The following KIAA0040 variants were observed in gnomAD, a reference collection of about 807,000 sequenced individuals.
KIAA0040 encodes the protein uncharacterized protein KIAA0040.
KIAA0040 carries 10 observed loss-of-function variants against 7.2 expected under a neutral mutation model. The observed-to-expected ratio is 1.38, with a 90% CI of 0.85 to 2.34. KIAA0040 has a LOEUF of 2.34. Ranked by LOEUF, KIAA0040 falls within the 30% of genes most tolerant of loss-of-function variation. KIAA0040 has a pLI of 0.00. For missense variants in KIAA0040, 89 were observed against 108.2 expected, an observed-to-expected ratio of 0.82 and a Z score of 0.79; for synonymous variants, 49 against 40.1, an observed-to-expected ratio of 1.22 and a Z score of -0.84.
At chr1:175,184,156 C>G (rs1558400851) in intron 1 of KIAA0040, among the ~76,000 whole-genome samples, 1 of 152,202 alleles carries the variant, frequency 6.6e-6, no homozygotes, top group Non-Finnish European at 1.5e-5. Context: ...TCTAGACCTT[C>G]CATGAAGCTA....
intron 1 of KIAA0040, among the ~76,000 whole-genome samples, chr1:175,181,341 G>A (rs1677433231): frequency 6.6e-6 from 1 of 152,140 alleles, no homozygotes; most frequent in Non-Finnish European, 1.5e-5. Flanking sequence ...TTCCTTCACT[G>A]ATTCTGGGTT....
chr1:175,164,462 T>C (rs998514155), intron 3 of KIAA0040, among the ~76,000 whole-genome samples: 67 of 152,288 alleles, frequency 4.4e-4, no homozygotes, highest in African/African-American at 1.5e-3. Flanking sequence ...AGTAGAAGCA[T>C]GCATTTGAAT....
At chr1:175,181,666 C>A (rs1347431258) in intron 1 of KIAA0040, among the ~76,000 whole-genome samples, 1 of 152,188 alleles carries the variant, frequency 6.6e-6, no homozygotes, top group Non-Finnish European at 1.5e-5. Flanking sequence ...ATGATTAGTT[C>A]AGTGTCCCAA....
chr1:175,179,944 C>A (rs1382378055), intron 1 of KIAA0040, among the ~76,000 whole-genome samples: 6 of 152,224 alleles, frequency 3.9e-5, no homozygotes, highest in Non-Finnish European at 7.3e-5. Flanking sequence ...ATGAGGGCAG[C>A]AAGCAGTGGC....
chr1:175,168,539 CA>C (rs1676863369), intron 2 of KIAA0040, among the ~76,000 whole-genome samples: 1 of 152,016 alleles, frequency 6.6e-6, no homozygotes. Flanking sequence ...ATTAAGGCAC[CA>C]TGGTTATTTA....
chr1:175,170,056 G>A (rs1428372826), intron 2 of KIAA0040, among the ~76,000 whole-genome samples: 3 of 152,176 alleles, frequency 2.0e-5, no homozygotes, highest in Non-Finnish European at 4.4e-5. Context: ...GAAATAATTG[G>A]AGTGGCCTCT....
chr1:175,173,369 C>T (rs1431154388), intron 2 of KIAA0040, among the ~76,000 whole-genome samples: 4 of 152,184 alleles, frequency 2.6e-5, no homozygotes, highest in Non-Finnish European at 5.9e-5. Flanking sequence ...TTGCTGAGTT[C>T]TTACTAAGTG....
chr1:175,161,889 A>G (rs546632367), intron 3 of KIAA0040, among the ~76,000 whole-genome samples: 2 of 151,836 alleles, frequency 1.3e-5, no homozygotes, highest in Admixed American at 1.3e-4. Flanking sequence ...ACCCTTCTCT[A>G]TGTTTTCTAT....
chr1:175,177,716 T>C (rs1008625894), intron 1 of KIAA0040, 32 bp from the exon 2 acceptor site: 4 of 152,218 alleles, frequency 2.6e-5, no homozygotes, highest in African/African-American at 4.8e-5. Context: ...TGATAGCATG[T>C]ACTGCCCCTT....
At chr1:175,169,539 T>C (rs1223836683) in intron 2 of KIAA0040, among the ~76,000 whole-genome samples, 1 of 152,242 alleles carries the variant, frequency 6.6e-6, no homozygotes, top group Non-Finnish European at 1.5e-5. Flanking sequence ...CTGGCCAAAG[T>C]AAACAGCCCT....
rs922961725 is a variant in KIAA0040, at chr1:175,192,675, G to A, written c.-419C>T. ...GCGGAAGGGCTTCCTGCAGGCCCAGGGAATCTCCTGGTTGCTGCCCCGTCT... is the reference window on the plus strand; with the variant it reads ...GCGGAAGGGCTTCCTGCAGGCCCAGAGAATCTCCTGGTTGCTGCCCCGTCT... On this transcript the variant is annotated 5_prime_UTR_variant, in exon 1 of 4. Transcript: ENST00000423313. 3 of 152,260 alleles carry A rather than the reference G, an allele frequency of 2.0e-5. No homozygotes were observed. Among genetic ancestry groups the A allele is most frequent in the Admixed American group, 1.3e-4 (2 of 15,288 alleles). 9.4% of individuals were successfully genotyped at this position (152,260 alleles called of 1,614,324 possible).
At chr1:175,187,698 C>T (rs559474536) in intron 1 of KIAA0040, among the ~76,000 whole-genome samples, 11 of 151,768 alleles carry the variant, frequency 7.2e-5, no homozygotes, top group African/African-American at 2.4e-4. Context: ...CTTCCCTGTT[C>T]CCACGGCCTT....
chr1:175,174,076 A>C (rs1677088986), intron 2 of KIAA0040, among the ~76,000 whole-genome samples: 1 of 144,858 alleles, frequency 6.9e-6, no homozygotes, highest in Admixed American at 7.5e-5. Context: ...AGTCCTGTTC[A>C]CCCACCTGGT....
chr1:175,171,734 T>G (rs921842958), intron 2 of KIAA0040, among the ~76,000 whole-genome samples: 3 of 152,184 alleles, frequency 2.0e-5, no homozygotes, highest in African/African-American at 7.2e-5. Context: ...TTCCTTTTGC[T>G]CAGTTACAAA....
In KIAA0040 at chr1:175,157,793, A is replaced by C. The variant is rs1339648422; in HGVS notation, c.*2921T>G. 2.6e-5 allele frequency: 4 copies of C among 152,052 alleles called. No homozygotes were observed. The highest frequency in any genetic ancestry group is 1.5e-5 in the Non-Finnish European group (1 of 68,072). 9.4% of individuals were successfully genotyped at this position (152,052 alleles called of 1,614,324 possible). A position where few individuals can be genotyped will look rare whatever the true frequency, so the allele number is the denominator to read the frequency against. ...CCGGAGCCTGGCTAAAGCTGCTCAGAAGTCCAGGCCTAGGGGATGTCTTTC... is the reference window on the plus strand; with the variant it reads ...CCGGAGCCTGGCTAAAGCTGCTCAGCAGTCCAGGCCTAGGGGATGTCTTTC... On this transcript the variant is annotated 3_prime_UTR_variant, in exon 4 of 4. Transcript: ENST00000423313.
In KIAA0040 at chr1:175,157,892, A is replaced by C. The variant is rs1676353019; in HGVS notation, c.*2822T>G. On this transcript the variant is annotated 3_prime_UTR_variant, in exon 4 of 4. Coordinates refer to ENST00000423313, the MANE Select transcript of KIAA0040 (RefSeq NM_014656.3). The stretch of plus-strand genomic sequence containing the variant: ...TGTCCCCCGTGAACTTACCCTCCCC[A>C]GATGAGTCAAGCAGTCTCTGGTCCT... The C allele has an allele frequency of 1.3e-5, 2 of 152,326 alleles. No individual in the cohort carries two copies. Among genetic ancestry groups the C allele is most frequent in the African/African-American group, 4.8e-5 (2 of 41,432 alleles). 9.4% of individuals were successfully genotyped at this position (152,326 alleles called of 1,614,324 possible). A position where few individuals can be genotyped will look rare whatever the true frequency, so the allele number is the denominator to read the frequency against.
chr1:175,192,385 A>G (rs1571224360), intron 1 of KIAA0040, among the ~76,000 whole-genome samples: 1 of 152,024 alleles, frequency 6.6e-6, no homozygotes, highest in Admixed American at 6.5e-5. Flanking sequence ...AGGTAACTCC[A>G]CCGCCGACCT....
At chr1:175,186,629 C>T (rs978940491) in intron 1 of KIAA0040, among the ~76,000 whole-genome samples, 5 of 152,206 alleles carry the variant, frequency 3.3e-5, no homozygotes. Flanking sequence ...TATCCACCCA[C>T]TGAAAATAGT....
chr1:175,182,155 T>A (rs1571211995), intron 1 of KIAA0040, among the ~76,000 whole-genome samples: 1 of 151,984 alleles, frequency 6.6e-6, no homozygotes, highest in Non-Finnish European at 1.5e-5. Context: ...TAGGCAGGAG[T>A]GACTGATGAC....
Sources: allele counts gnomAD v4.1 joint callset (sites outside exome capture counted in the v4.1 genomes callset), GRCh38; gene constraint gnomAD v4.1.1; transcripts MANE v1.5; gene names NCBI Gene and HGNC (gene_info 2026-07-23, HGNC 2026-07-21).